KLHL29: variants seen among roughly 807,000 people sequenced by gnomAD.
The protein encoded by KLHL29 is kelch-like protein 29.
In KLHL29, 21 loss-of-function variants were observed where a neutral mutation model predicts 80.4. The ratio of observed to expected loss-of-function variants is 0.26; its 90% CI spans 0.19 to 0.38. KLHL29 has a LOEUF of 0.38. KLHL29 is among the 10% of genes least tolerant of loss of function. KLHL29 has a pLI of 1.00. For missense variants in KLHL29, 867 were observed against 1,223.9 expected (o/e 0.71, Z 4.35); for synonymous variants, 511 against 526.8 (o/e 0.97, Z 0.41).
At chr2:23,470,639 T>A (rs1003069434) in intron 1 of KLHL29, among the ~76,000 whole-genome samples, 6 of 152,226 alleles carry the variant, frequency 3.9e-5, no homozygotes, top group Non-Finnish European at 7.3e-5. Context: ...GCAGACACTG[T>A]CTTTCTTTGA....
chr2:23,582,890 G>A (rs994396412), intron 3 of KLHL29, among the ~76,000 whole-genome samples: 7 of 152,142 alleles, frequency 4.6e-5, no homozygotes, highest in African/African-American at 1.7e-4. Flanking sequence ...TTGGAAATAG[G>A]GTCTTTGCAG....
intron 1 of KLHL29, among the ~76,000 whole-genome samples, chr2:23,391,049 G>A (rs1161440853): frequency 1.3e-5 from 2 of 152,116 alleles, no homozygotes; most frequent in South Asian, 2.1e-4. Flanking sequence ...TAAACATCAT[G>A]TCCCCATTCC....
chr2:23,689,283 G>T (rs1432199534), intron 6 of KLHL29: 1 of 152,232 alleles, frequency 6.6e-6, no homozygotes, highest in Non-Finnish European at 1.5e-5. Context: ...GTGGCCAGGG[G>T]TCCTCCTCAG....
chr2:23,537,660 T>C (rs2103481943), intron 2 of KLHL29, among the ~76,000 whole-genome samples: 1 of 152,156 alleles, frequency 6.6e-6, no homozygotes, highest in African/African-American at 2.4e-5. Flanking sequence ...CCCATCTGGG[T>C]ATTTGGGAAG....
At position 23,507,163 on chromosome 2, in the gene KLHL29, C is replaced by T. The variant is rs1373612928; in HGVS notation, c.-46+31496C>T. The T allele has an allele frequency of 9.8e-6, 4 of 407,284 alleles. No homozygotes were observed. In the East Asian group the frequency reaches 3.2e-4, roughly 33 times the overall value. The allele number at this position is 407,284 out of a possible 1,614,324, so 25.2% of individuals were successfully genotyped here. ...GCCCAGCTGTTGGTGGCGCTCACTC[C>T]CGTGCATGCCATCATAGCCTTCCTG... On this transcript the variant is annotated intron_variant, in intron 2 of 13. Transcript: ENST00000486442.
intron 3 of KLHL29, among the ~76,000 whole-genome samples, chr2:23,592,375 G>A (rs939921806): frequency 6.6e-6 from 1 of 152,264 alleles, no homozygotes; most frequent in African/African-American, 2.4e-5. Context: ...TAGAGGCTGA[G>A]CCCTGCTGTC....
chr2:23,617,895 C>T lies in KLHL29; in HGVS notation c.286-21244C>T, dbSNP rs567371497. 11 of 152,270 alleles carry T rather than the reference C, an allele frequency of 7.2e-5. No homozygotes were observed. In the East Asian group the frequency reaches 1.2e-3, roughly 16 times the overall value. 9.4% of individuals were successfully genotyped at this position (152,270 alleles called of 1,614,324 possible). On this transcript the variant is annotated intron_variant, in intron 3 of 13. Coordinates refer to ENST00000486442, the MANE Select transcript of KLHL29 (RefSeq NM_052920.2). ...GTAGCAGCGTAGGAAGGCCGGGCCG[C>T]GAGAGGGAACCGAGGGTGTTGGAAG...
intron 2 of KLHL29, among the ~76,000 whole-genome samples, chr2:23,555,167 A>G (rs765094635): frequency 4.8e-5 from 7 of 146,368 alleles, no homozygotes; most frequent in South Asian, 4.4e-4. Flanking sequence ...GAGTGAGACC[A>G]CCCTACAGGA....
intron 2 of KLHL29, among the ~76,000 whole-genome samples, chr2:23,516,582 G>T (rs570980641): frequency 6.6e-6 from 1 of 152,348 alleles, no homozygotes; most frequent in Non-Finnish European, 1.5e-5. Context: ...AGCCTCTGGG[G>T]TCTAGCCAGG....
chr2:23,450,040 C>CAGTCT (rs1192404046), intron 1 of KLHL29, among the ~76,000 whole-genome samples: 1 of 152,224 alleles, frequency 6.6e-6, no homozygotes, highest in African/African-American at 2.4e-5. Flanking sequence ...TCAACAAAGA[C>CAGTCT]AGTCTTTTGA....
intron 2 of KLHL29, among the ~76,000 whole-genome samples, chr2:23,556,565 A>G (rs1044379157): frequency 6.6e-6 from 1 of 151,930 alleles, no homozygotes; most frequent in Non-Finnish European, 1.5e-5. Flanking sequence ...AGGCAGGAGA[A>G]TCGCTTGAAC....
chr2:23,638,232 G>A (rs1669671727), intron 3 of KLHL29, among the ~76,000 whole-genome samples: 1 of 152,066 alleles, frequency 6.6e-6, no homozygotes, highest in African/African-American at 2.4e-5. Context: ...GTTTACATAG[G>A]GAGGCCATTT....
At chr2:23,582,369 G>A (rs1668008819) in intron 3 of KLHL29, among the ~76,000 whole-genome samples, 1 of 152,124 alleles carries the variant, frequency 6.6e-6, no homozygotes, top group African/African-American at 2.4e-5. Flanking sequence ...ACACTCAGAT[G>A]TATTATTATT....
At position 23,703,350 on chromosome 2, in the gene KLHL29, C is replaced by T. The variant is rs910594552; in HGVS notation, c.2270C>T (p.Thr757Met). 2.9e-5 allele frequency: 44 copies of T among 1,524,600 alleles called. No homozygotes were observed. The highest frequency in any genetic ancestry group is 8.5e-5 in the Admixed American group (4 of 47,128). 94.4% of individuals were successfully genotyped at this position (1,524,600 alleles called of 1,614,324 possible). The change falls in exon 12 of 14, where the codon ACG becomes ATG. Residue 757 changes from threonine to methionine, a missense_variant. Physicochemically the swap from Thr to Met is moderately conservative, Grantham distance 81. Transcript: ENST00000486442. Reference sequence around the variant, plus strand: ...CAGTCTTACGTTCCTCAGACCAACACGTGGAGCTTCATCGAGTCCCCAATG... The same window carrying T: ...CAGTCTTACGTTCCTCAGACCAACATGTGGAGCTTCATCGAGTCCCCAATG... ...VLQSYVPQTN[T>M]WSFIESPMID...
rs866120096 is a variant in KLHL29 at position 23,457,753 on chromosome 2, C to T, written c.-153-17807C>T. ...GTAAGGCCGGGCGCGGTGGCTCACA[C>T]CTGTAATCCCAGCACTTTGGGAAGC... is the stretch of plus-strand genomic sequence containing the variant. On this transcript the variant is annotated intron_variant, in intron 1 of 13. Coordinates refer to ENST00000486442, the MANE Select transcript of KLHL29 (RefSeq NM_052920.2). The surrounding 1 kb of genome is among the most constrained non-coding windows in gnomAD (Gnocchi z 4.3). Among the ~76,000 whole-genome samples the T allele has an allele frequency of 6.6e-6, 1 of 152,196 alleles. No individual in the cohort carries two copies. Among genetic ancestry groups the T allele is most frequent in the Non-Finnish European group, 1.5e-5 (1 of 68,032 alleles).
chr2:23,456,241 A>G (rs368774772), intron 1 of KLHL29, among the ~76,000 whole-genome samples: 104 of 152,256 alleles, frequency 6.8e-4, no homozygotes, highest in African/African-American at 2.4e-3. Flanking sequence ...TATCCTCCCC[A>G]TTGTTGTAGC....
chr2:23,582,037 G>A (rs566140731), intron 3 of KLHL29, among the ~76,000 whole-genome samples: 38 of 152,130 alleles, frequency 2.5e-4, no homozygotes, highest in African/African-American at 8.9e-4. Context: ...CCAGCTTTGT[G>A]GCCTCAGATA....
At chr2:23,573,387 A>T (rs1465640198) in intron 3 of KLHL29, among the ~76,000 whole-genome samples, 3 of 152,168 alleles carry the variant, frequency 2.0e-5, no homozygotes, top group African/African-American at 7.2e-5. Flanking sequence ...CCGAGTAATT[A>T]TTATTAGCAC....
chr2:23,554,427 C>T (rs1160831066), intron 2 of KLHL29, among the ~76,000 whole-genome samples: 1 of 152,222 alleles, frequency 6.6e-6, no homozygotes, highest in Non-Finnish European at 1.5e-5. Flanking sequence ...TATCTGGAGA[C>T]AGCGCGGGTC....
Sources: gnomAD v4.1 joint callset for allele counts (sites outside exome capture counted in the v4.1 genomes callset) on GRCh38, gnomAD v4.1.1 for gene constraint, Gnocchi (gnomAD v3.1) non-coding constraint, MANE v1.5 for transcripts, NCBI Gene and HGNC (gene_info 2026-07-23, HGNC 2026-07-21) for gene names.